HPSE2: variants seen among roughly 807,000 people sequenced by gnomAD.
HPSE2 encodes the protein inactive heparanase-2.
HPSE2 carries 38 observed loss-of-function variants against 60.5 expected under a neutral mutation model. The ratio of observed to expected loss-of-function variants is 0.63; its 90% CI spans 0.48 to 0.82. HPSE2 has a LOEUF of 0.82. Among genes scored for constraint, HPSE2 ranks in the 40% least tolerant of loss-of-function variants. HPSE2 has a pLI of 0.00. For missense variants in HPSE2, 713 were observed against 740.4 expected (o/e 0.96, Z 0.43); for synonymous variants, 295 against 293.2 (o/e 1.01, Z -0.06).
chr10:99,212,197 G>C (rs374760464), intron 2 of HPSE2, among the ~76,000 whole-genome samples: 1 of 152,208 alleles, frequency 6.6e-6, no homozygotes, highest in East Asian at 1.9e-4. Context: ...TGAGGGTGTA[G>C]AGAAAAGGAA....
chr10:98,740,975 T>C (rs1234832318), intron 4 of HPSE2, among the ~76,000 whole-genome samples: 1 of 152,142 alleles, frequency 6.6e-6, no homozygotes, highest in East Asian at 1.9e-4. Flanking sequence ...CAAGAAAAAC[T>C]ATCAGTAGTT....
At chr10:99,263,215 C>T in the HPSE2 span, among the ~76,000 whole-genome samples, 3 of 152,022 alleles carry the variant, frequency 2.0e-5, no homozygotes, top group Non-Finnish European at 4.4e-5. Flanking sequence ...CAGGCCTAAT[C>T]GCCACTCACC....
At chr10:98,466,105 G>A (rs868683634) in intron 11 of HPSE2, among the ~76,000 whole-genome samples, 24 of 152,290 alleles carry the variant, frequency 1.6e-4, no homozygotes, top group African/African-American at 5.5e-4. Context: ...GGATATTTAA[G>A]CAAGGTTTCA....
chr10:98,565,973 G>C (rs1944331581), intron 9 of HPSE2, among the ~76,000 whole-genome samples: 1 of 152,176 alleles, frequency 6.6e-6, no homozygotes, highest in African/African-American at 2.4e-5. Context: ...AAGAAGTCCA[G>C]AGGCTGTGTT....
chr10:98,470,419 A>G (rs73335715), intron 11 of HPSE2, among the ~76,000 whole-genome samples: 46 of 152,284 alleles, frequency 3.0e-4, no homozygotes, highest in African/African-American at 1.1e-3. Context: ...GTGGGTCCAC[A>G]GTTTAATGCT....
At chr10:98,792,915 T>C (rs1448590569) in intron 3 of HPSE2, among the ~76,000 whole-genome samples, 1 of 152,154 alleles carries the variant, frequency 6.6e-6, no homozygotes, top group Non-Finnish European at 1.5e-5. Flanking sequence ...CGTTGTTACT[T>C]AGGGCCTTTA....
chr10:98,459,709 C>T lies in HPSE2; in HGVS notation c.1644G>A (p.Val548=). ...CTGGGAGGGTCCCGTCGTCCACCAT[C>T]ACTAAGGGCTGGCCATTCAGTTGCA... ...KSVQLNGQPL[V]MVDDGTLPEL... is the part of the protein sequence containing the mutation. Residue 548 remains valine, a synonymous_variant, in exon 12 of 12, where the codon GTG becomes GTA. Transcript: ENST00000370552. 1 of 1,613,998 alleles carries T rather than the reference C, an allele frequency of 6.2e-7. No individual in the cohort carries two copies. The highest frequency in any genetic ancestry group is 1.1e-5 in the South Asian group (1 of 91,054).
chr10:99,077,918 C>G lies in HPSE2; in HGVS notation c.610+66320G>C, dbSNP rs1412281486. The stretch of plus-strand genomic sequence containing the variant: ...GGTGTTTGAGTCATGGAGGTGGATC[C>G]CTCACGAGTGGCTTCATGCCCTACT... On this transcript the variant is annotated intron_variant, in intron 3 of 11. Transcript: ENST00000370552. Among the ~76,000 whole-genome samples the G allele has an allele frequency of 2.6e-5, 4 of 152,052 alleles. No individual in the cohort carries two copies. In the East Asian group the frequency reaches 7.7e-4, roughly 29 times the overall value.
At position 98,981,359 on chromosome 10, in the gene HPSE2, G is replaced by A. The variant is rs575027376; in HGVS notation, c.610+162879C>T. Among the ~76,000 whole-genome samples the A allele has an allele frequency of 2.6e-5, 4 of 152,216 alleles. No individual in the cohort carries two copies. The East Asian group carries it at 5.8e-4, about 22-fold the overall frequency. ...TGTCAGAGTCAATGTGATATAAATA[G>A]GAAGAGTATGGCTTTGGAGTTTAAC... On this transcript the variant is annotated intron_variant, in intron 3 of 11. Coordinates refer to ENST00000370552, the MANE Select transcript of HPSE2 (RefSeq NM_021828.5).
intron 3 of HPSE2, among the ~76,000 whole-genome samples, chr10:99,026,372 A>G (rs1221921964): frequency 1.3e-5 from 2 of 152,276 alleles, no homozygotes; most frequent in Admixed American, 6.5e-5. Context: ...AGAGACAAAT[A>G]AAGTACTATA....
chr10:98,466,509 GC>G (rs1940538241), intron 11 of HPSE2, among the ~76,000 whole-genome samples: 1 of 151,840 alleles, frequency 6.6e-6, no homozygotes, highest in Admixed American at 6.6e-5. Context: ...TACTCAGGAG[GC>G]TGAGGCAGGA....
At chr10:98,944,641 G>A (rs925309108) in intron 3 of HPSE2, among the ~76,000 whole-genome samples, 3 of 152,126 alleles carry the variant, frequency 2.0e-5, no homozygotes, top group African/African-American at 7.2e-5. Context: ...CTTTAGAGGG[G>A]AGAAGGGATT....
intron 3 of HPSE2, among the ~76,000 whole-genome samples, chr10:99,093,805 C>A (rs1400016829): frequency 1.3e-5 from 2 of 152,134 alleles, no homozygotes; most frequent in African/African-American, 2.4e-5. Context: ...CTATAGCAGG[C>A]ATGTAGAGAA....
At chr10:98,473,520 GAA>G (rs1940871266) in intron 11 of HPSE2, among the ~76,000 whole-genome samples, 1 of 119,864 alleles carries the variant, frequency 8.3e-6, no homozygotes, top group Non-Finnish European at 1.7e-5. Flanking sequence ...CAGAAAAAGA[GAA>G]AGAGAGAGAG....
chr10:98,501,996 T>C (rs1225290677), intron 9 of HPSE2, among the ~76,000 whole-genome samples: 2 of 148,430 alleles, frequency 1.3e-5, no homozygotes, highest in African/African-American at 4.9e-5. Context: ...ACCAAGGAAG[T>C]GAAAGACCTC....
chr10:98,985,093 C>A (rs1379851823), intron 3 of HPSE2, among the ~76,000 whole-genome samples: 5 of 152,144 alleles, frequency 3.3e-5, no homozygotes, highest in Admixed American at 1.3e-4. Context: ...GAGAATTTCC[C>A]CAATCTAGCA....
chr10:98,831,995 A>G (rs1242346709), intron 3 of HPSE2, among the ~76,000 whole-genome samples: 1 of 152,206 alleles, frequency 6.6e-6, no homozygotes, highest in East Asian at 1.9e-4. Context: ...TAGAATACTT[A>G]AAGTGGTTTG....
At chr10:98,763,656 A>G (rs974099135) in intron 3 of HPSE2, among the ~76,000 whole-genome samples, 4 of 151,962 alleles carry the variant, frequency 2.6e-5, no homozygotes, top group African/African-American at 9.7e-5. Flanking sequence ...TTTCTTATAT[A>G]TTTATCATAA....
chr10:98,479,164 C>T (rs1941138172), intron 11 of HPSE2, among the ~76,000 whole-genome samples: 2 of 152,172 alleles, frequency 1.3e-5, no homozygotes, highest in Admixed American at 6.5e-5. Flanking sequence ...GTCTTCTGGC[C>T]TCTCCCTACT....
Sources: gnomAD v4.1 joint callset for allele counts (sites outside exome capture counted in the v4.1 genomes callset) on GRCh38, gnomAD v4.1.1 for gene constraint, MANE v1.5 for transcripts, NCBI Gene and HGNC (gene_info 2026-07-23, HGNC 2026-07-21) for gene names.